ABRACL: variants seen among roughly 807,000 people sequenced by gnomAD.
The protein encoded by ABRACL is costars family protein ABRACL.
Under a neutral mutation model 7.0 loss-of-function variants are expected in ABRACL, and 4 were observed. The observed-to-expected ratio is 0.57, with a 90% CI of 0.28 to 1.30. The LOEUF is 1.30. Among genes scored for constraint, ABRACL ranks in the 50% most tolerant of loss-of-function variants. The probability of loss-of-function intolerance (pLI) is 0.10; values close to 1 mark genes in which losing one functional copy is unlikely to be tolerated. For synonymous variants in ABRACL, 30 were observed against 36.0 expected, an observed-to-expected ratio of 0.83 and a Z score of 0.60; for missense variants, 104 against 97.3, an observed-to-expected ratio of 1.07 and a Z score of -0.29.
intron 2 of ABRACL, among the ~76,000 whole-genome samples, chr6:139,037,464 T>A (rs1234005551): frequency 2.6e-5 from 4 of 152,190 alleles, no homozygotes; most frequent in Non-Finnish European, 5.9e-5. Flanking sequence ...TTTTGCCATG[T>A]TGGCCAGGCT....
intron 2 of ABRACL, among the ~76,000 whole-genome samples, chr6:139,034,930 T>A (rs1171531224): frequency 6.6e-6 from 1 of 152,224 alleles, no homozygotes; most frequent in East Asian, 1.9e-4. Flanking sequence ...TCAGATGAGA[T>A]ATGCAAGAAT....
intron 1 of ABRACL, among the ~76,000 whole-genome samples, chr6:139,033,284 T>C (rs1238430891): frequency 6.6e-6 from 1 of 152,306 alleles, no homozygotes; most frequent in East Asian, 1.9e-4. Context: ...TGAACCAAGG[T>C]AAGGCTCAGC....
chr6:139,042,983 A>G lies in ABRACL; in HGVS notation c.*80A>G. 8.3e-7 allele frequency: 1 copy of G among 1,210,044 alleles called. No individual in the cohort carries two copies. Among genetic ancestry groups the G allele is most frequent in the Non-Finnish European group, 1.1e-6 (1 of 879,840 alleles). 75.0% of individuals were successfully genotyped at this position (1,210,044 alleles called of 1,614,324 possible). On this transcript the variant is annotated 3_prime_UTR_variant, in exon 3 of 3. Transcript: ENST00000367660. ...ATAAAGTGAAAGAACAAACATTTGA[A>G]CATACTTAATGTATTTTTATAGAAC...
intron 2 of ABRACL, among the ~76,000 whole-genome samples, chr6:139,036,472 C>G (rs77436399): frequency 6.6e-6 from 1 of 151,966 alleles, no homozygotes. Flanking sequence ...ATATCAAACC[C>G]GAGTCGTCAT....
At chr6:139,041,376 G>A (rs1242121801) in intron 2 of ABRACL, among the ~76,000 whole-genome samples, 1 of 147,756 alleles carries the variant, frequency 6.8e-6, no homozygotes, top group Admixed American at 6.7e-5. Context: ...ACAGCCCTCT[G>A]CTTCAGCTTC....
chr6:139,041,493 A>ATATGTT (rs71932479), intron 2 of ABRACL, among the ~76,000 whole-genome samples: 2 of 122,484 alleles, frequency 1.6e-5, no homozygotes, highest in East Asian at 4.6e-4. Flanking sequence ...ATATATATAT[A>ATATGTT]TGTGTGTGTG....
chr6:139,035,958 G>T (rs1786149578), intron 2 of ABRACL, among the ~76,000 whole-genome samples: 2 of 150,208 alleles, frequency 1.3e-5, no homozygotes, highest in Admixed American at 1.3e-4. Flanking sequence ...AAAAAAATTA[G>T]CCAGGCATGC....
At chr6:139,037,528 C>A (rs1422015840) in intron 2 of ABRACL, among the ~76,000 whole-genome samples, 2 of 151,498 alleles carry the variant, frequency 1.3e-5, no homozygotes, top group Admixed American at 6.6e-5. Context: ...CCCAAAGTGT[C>A]GGGATTACAG....
intron 1 of ABRACL, among the ~76,000 whole-genome samples, chr6:139,032,824 A>G (rs1473523942): frequency 6.6e-6 from 1 of 152,104 alleles, no homozygotes; most frequent in Non-Finnish European, 1.5e-5. Flanking sequence ...AATCCCTCTC[A>G]TGCCTTTGCG....
At chr6:139,041,223 C>T (rs1258557802) in intron 2 of ABRACL, among the ~76,000 whole-genome samples, 2 of 151,980 alleles carry the variant, frequency 1.3e-5, no homozygotes, top group Admixed American at 1.3e-4. Flanking sequence ...TGCCCAAAGA[C>T]ATCTTGCCCT....
At chr6:139,042,122 A>G (rs978860863) in intron 2 of ABRACL, among the ~76,000 whole-genome samples, 1 of 152,192 alleles carries the variant, frequency 6.6e-6, no homozygotes, top group East Asian at 1.9e-4. Context: ...ATTGATGTTT[A>G]ACAACAGATC....
chr6:139,042,574 T>A (rs1161124699), intron 2 of ABRACL, 145 bp from the exon 3 acceptor site: 13 of 697,612 alleles, frequency 1.9e-5, no homozygotes, highest in Non-Finnish European at 2.9e-5. Context: ...GGGAAGAGAA[T>A]ATGTTGAATT....
chr6:139,034,214 T>TACC lies in ABRACL; in HGVS notation c.54_55insACC (p.Gly18_Ser19insThr). ...TAGTGGAGGAAATTCATCGTTTGGG[T>TACC]TCAAAAAGTAAGTATCTGACAGAGA... On this transcript the variant is annotated inframe_insertion, in exon 2 of 3. Transcript: ENST00000367660. 1 of 1,614,198 alleles carries TACC rather than the reference T, an allele frequency of 6.2e-7. No homozygotes were observed. The highest frequency in any genetic ancestry group is 1.3e-5 in the African/African-American group (1 of 75,052).
chr6:139,032,985 A>G (rs546723961), intron 1 of ABRACL, among the ~76,000 whole-genome samples: 2 of 152,334 alleles, frequency 1.3e-5, no homozygotes, highest in South Asian at 4.1e-4. Flanking sequence ...AATTAAGTGA[A>G]ATGAAGAGGG....
intron 2 of ABRACL, among the ~76,000 whole-genome samples, chr6:139,041,523 A>G (rs1226988813): frequency 2.3e-5 from 1 of 43,306 alleles, no homozygotes; most frequent in Non-Finnish European, 3.8e-5. Context: ...GTATATATAT[A>G]TATATATATT....
chr6:139,034,925 T>C (rs1447607627), intron 2 of ABRACL, among the ~76,000 whole-genome samples: 1 of 152,156 alleles, frequency 6.6e-6, no homozygotes, highest in Non-Finnish European at 1.5e-5. Context: ...ACATCTCAGA[T>C]GAGATATGCA....
chr6:139,042,657 T>C, intron 2 of ABRACL, 62 bp from the exon 3 acceptor site: 7 of 1,476,112 alleles, frequency 4.7e-6, no homozygotes, highest in Non-Finnish European at 6.5e-6. Context: ...TTTGTAAGTC[T>C]TCCATACTTG....
At chr6:139,029,529 C>A (rs1786046997) in intron 1 of ABRACL, among the ~76,000 whole-genome samples, 1 of 151,994 alleles carries the variant, frequency 6.6e-6, no homozygotes, top group African/African-American at 2.4e-5. Context: ...CCTTCCCGGG[C>A]GCCAGCGGTG....
At chr6:139,038,196 T>A (rs552348003) in intron 2 of ABRACL, among the ~76,000 whole-genome samples, 1 of 152,346 alleles carries the variant, frequency 6.6e-6, no homozygotes, top group South Asian at 2.1e-4. Flanking sequence ...AATTAGTTTT[T>A]AAATTCTAAC....
Sources: gnomAD v4.1 joint callset for allele counts (sites outside exome capture counted in the v4.1 genomes callset) on GRCh38, gnomAD v4.1.1 for gene constraint, MANE v1.5 for transcripts, NCBI Gene and HGNC (gene_info 2026-07-23, HGNC 2026-07-21) for gene names.